Variants in HABP4 observed in about 807,000 individuals in gnomAD.
HABP4 encodes intracellular hyaluronan-binding protein 4.
HABP4 carries 32 observed loss-of-function variants against 44.1 expected under a neutral mutation model. The ratio of observed to expected loss-of-function variants is 0.73; its 90% CI spans 0.55 to 0.97. The LOEUF (loss-of-function observed/expected upper bound fraction) is 0.97, where lower values mean the gene tolerates loss of function less well. Ranked by LOEUF, HABP4 falls within the 50% of genes least tolerant of loss-of-function variation. The pLI is 0.00. For synonymous variants in HABP4, 216 were observed against 218.0 expected (o/e 0.99, Z 0.08); for missense variants, 503 against 561.9 (o/e 0.90, Z 1.06).
At chr9:96,489,573 G>C (rs1161901032) in intron 7 of HABP4, among the ~76,000 whole-genome samples, 1 of 152,216 alleles carries the variant, frequency 6.6e-6, no homozygotes, top group Non-Finnish European at 1.5e-5. Context: ...TGGCCCTCCT[G>C]TGGCCCCTCC....
intron 1 of HABP4, among the ~76,000 whole-genome samples, chr9:96,457,465 G>T (rs1475772859): frequency 6.6e-6 from 1 of 152,222 alleles, no homozygotes; most frequent in East Asian, 1.9e-4. Context: ...TTGCCAAATA[G>T]CAGTGTTTGG....
In HABP4 at chr9:96,488,183, C is replaced by G; in HGVS notation, c.1094C>G (p.Pro365Arg). Residue 365 changes from proline to arginine, a missense_variant, in exon 7 of 8, where the codon CCT becomes CGT. This residue lies in a region of HABP4 where 82 missense variants were observed against 71.6 expected (regional missense o/e 1.15). Coordinates refer to ENST00000375249, the MANE Select transcript of HABP4 (RefSeq NM_014282.4). This position sits in a 1 kb window ranked among gnomAD's most constrained non-coding sequence, Gnocchi z 4.6. ...CTGGAGATTAATTTTGGTAACCTCC[C>G]TCGTCCTGGGCGTGGAGCCAGAGGA... The part of the protein sequence containing the change: ...SQLEINFGNL[P>R]RPGRGARGGT... The G allele has an allele frequency of 1.9e-6, 3 of 1,613,314 alleles. No homozygotes were observed. The highest frequency in any genetic ancestry group is 2.5e-6 in the Non-Finnish European group (3 of 1,179,218).
At position 96,458,459 on chromosome 9, in the gene HABP4, G is replaced by C; in HGVS notation, c.430G>C (p.Glu144Gln). ...RGPEGMLERA[E>Q]RRSYREYRPY... ...GCCGGAGGGGATGCTCGAAAGAGCT[G>C]AGCGGAGATCCTACAGGGAATACCG... Residue 144 changes from glutamate to glutamine, a missense_variant, in exon 2 of 8, where the codon GAG becomes CAG. Physicochemically the swap from Glu to Gln is conservative, Grantham distance 29. Around this residue, in one of 3 missense-constraint regions of HABP4, gnomAD observed 290 missense variants for 300.5 expected, o/e 0.97. Transcript: ENST00000375249. The C allele has an allele frequency of 6.2e-7, 1 of 1,613,460 alleles. No individual in the cohort carries two copies. The highest frequency in any genetic ancestry group is 1.1e-5 in the South Asian group (1 of 91,078).
chr9:96,476,358 TAAAG>T (rs1458450047), intron 5 of HABP4, among the ~76,000 whole-genome samples: 2 of 152,224 alleles, frequency 1.3e-5, no homozygotes, highest in African/African-American at 4.8e-5. Context: ...CATTTCTAAA[TAAAG>T]GGAACTGTGG....
rs185288193 is a variant in HABP4, at chr9:96,475,634, G to C, written c.827+4540G>C. 1.1e-3 allele frequency among the ~76,000 whole-genome samples: 165 copies of C among 152,254 alleles called. 1 individual carries two copies. Among genetic ancestry groups the C allele is most frequent in the Admixed American group, 3.9e-4 (6 of 15,290 alleles). On this transcript the variant is annotated intron_variant, in intron 5 of 7. Coordinates refer to ENST00000375249, the MANE Select transcript of HABP4 (RefSeq NM_014282.4). ...AGGCATTCATACTCCTCTAGTGAGT[G>C]GTAGGAATAGCAAAAAGTGCTGTTC...
chr9:96,457,665 C>A (rs548893825), intron 1 of HABP4, among the ~76,000 whole-genome samples: 1 of 152,036 alleles, frequency 6.6e-6, no homozygotes, highest in African/African-American at 2.4e-5. Context: ...GCTGGGAGTT[C>A]GAGACCAGCC....
intron 1 of HABP4, among the ~76,000 whole-genome samples, chr9:96,451,718 C>T (rs1029362940): frequency 3.3e-5 from 5 of 152,134 alleles, no homozygotes; most frequent in Admixed American, 2.6e-4. Flanking sequence ...CAAGTCACTA[C>T]AATAAAGATG....
chr9:96,483,017 A>G (rs1245513108), intron 5 of HABP4: 1 of 152,192 alleles, frequency 6.6e-6, no homozygotes, highest in African/African-American at 2.4e-5. Context: ...CCCAGGAGTG[A>G]AATTTCCGGG....
chr9:96,456,771 AAAAAAAAAAAT>A (rs1418819896), intron 1 of HABP4, among the ~76,000 whole-genome samples: 33 of 70,720 alleles, frequency 4.7e-4, no homozygotes, highest in South Asian at 1.1e-3. Flanking sequence ...AAAAAAAAAA[AAAAAAAAAAAT>A]ATATATATAT....
chr9:96,472,719 G>A (rs373015452), intron 5 of HABP4, among the ~76,000 whole-genome samples: 15 of 152,086 alleles, frequency 9.9e-5, no homozygotes, highest in African/African-American at 3.6e-4. Flanking sequence ...TCCTGCGTAA[G>A]TGTCCTCTGG....
intron 1 of HABP4, among the ~76,000 whole-genome samples, chr9:96,455,311 G>A (rs949890023): frequency 3.3e-5 from 5 of 151,300 alleles, no homozygotes; most frequent in Non-Finnish European, 4.4e-5. Context: ...AATTACCTGA[G>A]CGTGGTGGCA....
chr9:96,469,408 ACAT>A (rs887531371), intron 4 of HABP4, among the ~76,000 whole-genome samples: 10 of 152,336 alleles, frequency 6.6e-5, no homozygotes, highest in Admixed American at 5.2e-4. Flanking sequence ...GAAGTGTGTA[ACAT>A]CATTTTATGG....
chr9:96,451,542 C>T (rs1832278355), intron 1 of HABP4: 2 of 872,700 alleles, frequency 2.3e-6, no homozygotes, highest in Non-Finnish European at 2.8e-6. Context: ...CGACGTTTGC[C>T]AGTGTGTTCA....
At chr9:96,475,390 CAAAAAAAA>C (rs61553823) in intron 5 of HABP4, among the ~76,000 whole-genome samples, 1 of 94,158 alleles carries the variant, frequency 1.1e-5, no homozygotes, top group Non-Finnish European at 2.2e-5. Flanking sequence ...ACAACAACAA[CAAAAAAAA>C]AAAAAAAAAG....
At chr9:96,470,797 T>TGA (rs548822257) in intron 4 of HABP4, among the ~76,000 whole-genome samples, 21 of 150,310 alleles carry the variant, frequency 1.4e-4, no homozygotes, top group Admixed American at 1.1e-3. Context: ...CTCAGGAGGC[T>TGA]GAGGGAGGAG....
chr9:96,474,269 T>C (rs1832744543), intron 5 of HABP4, among the ~76,000 whole-genome samples: 2 of 152,216 alleles, frequency 1.3e-5, no homozygotes, highest in South Asian at 4.1e-4. Flanking sequence ...ACTAAGGAAC[T>C]AGATTAACAG....
intron 2 of HABP4, among the ~76,000 whole-genome samples, chr9:96,464,542 A>G (rs1298339741): frequency 6.6e-6 from 1 of 152,168 alleles, no homozygotes; most frequent in East Asian, 1.9e-4. Context: ...GCCTCTGAGA[A>G]GTGGAATTGC....
chr9:96,487,974 T>A, intron 6 of HABP4, 115 bp from the exon 7 acceptor site: 1 of 742,420 alleles, frequency 1.3e-6, no homozygotes, highest in Admixed American at 2.1e-5. Flanking sequence ...AGAATGGCTC[T>A]GACTAGCCCC....
intron 1 of HABP4, among the ~76,000 whole-genome samples, chr9:96,455,852 C>T (rs990086762): frequency 6.6e-6 from 1 of 151,526 alleles, no homozygotes; most frequent in African/African-American, 2.4e-5. Context: ...GTCAGGAGTT[C>T]GAGACCAGCC....
Sources: gnomAD v4.1 joint callset for allele counts (sites outside exome capture counted in the v4.1 genomes callset) on GRCh38, gnomAD v4.1.1 for gene constraint, gnomAD v4.1.1 regional missense constraint, Gnocchi (gnomAD v3.1) non-coding constraint, MANE v1.5 for transcripts, NCBI Gene and HGNC (gene_info 2026-07-23, HGNC 2026-07-21) for gene names.